HERC6: variants seen among roughly 807,000 people sequenced by gnomAD.
The protein encoded by HERC6 is probable E3 ubiquitin-protein ligase HERC6.
Under a neutral mutation model 114.5 loss-of-function variants are expected in HERC6, and 101 were observed. That is an observed-to-expected ratio of 0.88 (90% confidence interval 0.75 to 1.04). The LOEUF (loss-of-function observed/expected upper bound fraction) is 1.04, where lower values mean the gene tolerates loss of function less well. Ranked by LOEUF, HERC6 falls within the 50% of genes least tolerant of loss-of-function variation. HERC6 has a pLI of 0.00. For missense variants in HERC6, 1,133 were observed against 1,230.9 expected (o/e 0.92, Z 1.19); for synonymous variants, 408 against 436.2 (o/e 0.94, Z 0.81).
chr4:88,395,369 A>G (rs1735173046), intron 5 of HERC6, among the ~76,000 whole-genome samples: 1 of 152,218 alleles, frequency 6.6e-6, no homozygotes, highest in African/African-American at 2.4e-5. Context: ...CAGTTAATTT[A>G]TCTATTCATT....
rs570293701 is a variant in HERC6 at position 88,428,705 on chromosome 4, T to C, written c.2061T>C (p.Arg687=). ...GTCGCCTGGTTAAAGATGCTCTGCG[T>C]CAATTAAGTCAAGCTGAAGCTACTG... ...RRSRLVKDAL[R]QLSQAEATDF... is the part of the protein sequence containing the mutation. Residue 687 remains arginine, a synonymous_variant, in exon 16 of 23, where the codon CGT becomes CGC. Coordinates refer to ENST00000264346, the MANE Select transcript of HERC6 (RefSeq NM_017912.4). 2.5e-6 allele frequency: 4 copies of C among 1,592,724 alleles called. No homozygotes were observed. The South Asian group carries it at 4.6e-5, about 18-fold the overall frequency.
chr4:88,419,179 A>C (rs980706676), intron 13 of HERC6, among the ~76,000 whole-genome samples: 1 of 152,230 alleles, frequency 6.6e-6, no homozygotes, highest in African/African-American at 2.4e-5. Flanking sequence ...CTATATCAGA[A>C]TATTTGCTAA....
intron 8 of HERC6, among the ~76,000 whole-genome samples, chr4:88,401,115 A>C (rs1735511401): frequency 1.3e-5 from 2 of 152,202 alleles, no homozygotes; most frequent in Non-Finnish European, 2.9e-5. Flanking sequence ...AAGGGGAACA[A>C]GTGCAAACAA....
chr4:88,418,618 C>A (rs1736731674), intron 13 of HERC6, among the ~76,000 whole-genome samples: 2 of 152,214 alleles, frequency 1.3e-5, no homozygotes, highest in Non-Finnish European at 1.5e-5. Flanking sequence ...CTCAGCTGGG[C>A]ACCGTGGCCT....
chr4:88,403,056 G>C (rs1445243949), intron 8 of HERC6, among the ~76,000 whole-genome samples: 1 of 152,212 alleles, frequency 6.6e-6, no homozygotes, highest in African/African-American at 2.4e-5. Flanking sequence ...TTATAGCAGA[G>C]CACTAATGCC....
chr4:88,392,720 A>T (rs1417730683), intron 4 of HERC6, among the ~76,000 whole-genome samples: 1 of 152,204 alleles, frequency 6.6e-6, no homozygotes, highest in East Asian at 1.9e-4. Flanking sequence ...GGCCACCTCT[A>T]TGAGGACGTC....
At chr4:88,383,613 A>G (rs1734429606) in intron 2 of HERC6, among the ~76,000 whole-genome samples, 2 of 151,614 alleles carry the variant, frequency 1.3e-5, no homozygotes, top group African/African-American at 4.8e-5. Context: ...ACACAAGAAA[A>G]TTAGCCGGGC....
At chr4:88,383,901 T>G (rs552855529) in intron 2 of HERC6, among the ~76,000 whole-genome samples, 1 of 149,456 alleles carries the variant, frequency 6.7e-6, no homozygotes, top group Admixed American at 6.7e-5. Flanking sequence ...CAGAGTGAAA[T>G]GAGATGTGAC....
chr4:88,421,961 CTT>C (rs1430367747), intron 13 of HERC6, among the ~76,000 whole-genome samples: 1 of 152,070 alleles, frequency 6.6e-6, no homozygotes, highest in Non-Finnish European at 1.5e-5. Flanking sequence ...GTTTATTAGT[CTT>C]TTTATTATTG....
intron 11 of HERC6, among the ~76,000 whole-genome samples, chr4:88,410,229 T>A (rs530239156): frequency 6.6e-6 from 1 of 152,098 alleles, no homozygotes; most frequent in Non-Finnish European, 1.5e-5. Context: ...AATCCACATA[T>A]ATAAGATGAA....
At position 88,436,976 on chromosome 4, in the gene HERC6, G is replaced by A; in HGVS notation, c.2484+5G>A. On this transcript the variant is annotated splice_donor_5th_base_variant and intron_variant, in intron 19 of 22. Coordinates refer to ENST00000264346, the MANE Select transcript of HERC6 (RefSeq NM_017912.4). ...GCGCTCTGCATACGCTTTTCTGTGA[G>A]TACTAATGAAAGCCAAATTATAGTT... 6.3e-7 allele frequency: 1 copy of A among 1,584,250 alleles called. No individual in the cohort carries two copies. Among genetic ancestry groups the A allele is most frequent in the East Asian group, 2.3e-5 (1 of 44,082 alleles).
intron 6 of HERC6, 33 bp from the exon 7 acceptor site, chr4:88,396,818 A>T: frequency 6.8e-7 from 1 of 1,477,684 alleles, no homozygotes; most frequent in Non-Finnish European, 9.0e-7. Context: ...TGAGTGCCTT[A>T]GTCTTCATTA....
At chr4:88,418,724 T>G (rs1736748431) in intron 13 of HERC6, among the ~76,000 whole-genome samples, 2 of 152,002 alleles carry the variant, frequency 1.3e-5, no homozygotes, top group African/African-American at 4.8e-5. Flanking sequence ...GTGATTTTTT[T>G]GTTTGTTTGT....
intron 8 of HERC6, among the ~76,000 whole-genome samples, chr4:88,403,407 T>C (rs192728078): frequency 1.8e-3 from 272 of 152,334 alleles, no homozygotes; most frequent in African/African-American, 6.2e-3. Context: ...AAACTAATTA[T>C]TGAGTGCCTA....
In HERC6 at chr4:88,407,741, T is replaced by C. The variant is rs146112371; in HGVS notation, c.1275-783T>C. ...TATTTGATAATGCATTATTTAAAAA[T>C]GGTTAGGCTTATTGAATGCTGGCCT... is the stretch of plus-strand genomic sequence containing the variant. On this transcript the variant is annotated intron_variant, in intron 10 of 22. Transcript: ENST00000264346. 3.3e-3 allele frequency among the ~76,000 whole-genome samples: 509 copies of C among 152,236 alleles called. 3 individuals carry two copies. The highest frequency in any genetic ancestry group is 5.3e-3 in the Non-Finnish European group (362 of 68,012).
At position 88,439,823 on chromosome 4, in the gene HERC6, T is replaced by C. The variant is rs1578440616; in HGVS notation, c.2556-51T>C. Reference sequence around the variant, plus strand: ...AACAAAGTATAAAATCTTTTAATCATTGGCCTTTTCCTTCCTTTCTTTTTT... The same window carrying C: ...AACAAAGTATAAAATCTTTTAATCACTGGCCTTTTCCTTCCTTTCTTTTTT... On this transcript the variant is annotated intron_variant, in intron 20 of 22. Coordinates refer to ENST00000264346, the MANE Select transcript of HERC6 (RefSeq NM_017912.4). The C allele has an allele frequency of 3.6e-6, 5 of 1,381,722 alleles. No individual in the cohort carries two copies. The South Asian group carries it at 4.9e-5, about 14-fold the overall frequency. 85.6% of individuals were successfully genotyped at this position (1,381,722 alleles called of 1,614,324 possible).
At chr4:88,402,914 T>A (rs796270027) in intron 8 of HERC6, among the ~76,000 whole-genome samples, 5 of 152,262 alleles carry the variant, frequency 3.3e-5, no homozygotes, top group African/African-American at 1.2e-4. Context: ...AGGACTCAGA[T>A]CAAGAAGCTG....
chr4:88,438,070 G>A (rs978539981), intron 20 of HERC6, among the ~76,000 whole-genome samples: 2 of 145,964 alleles, frequency 1.4e-5, no homozygotes, highest in Non-Finnish European at 3.0e-5. Context: ...AGGTTGCAGT[G>A]AGCCGGGATT....
chr4:88,392,591 T>C (rs1468519237), intron 4 of HERC6, among the ~76,000 whole-genome samples: 1 of 152,188 alleles, frequency 6.6e-6, no homozygotes, highest in Admixed American at 6.5e-5. Flanking sequence ...GTCACTTATT[T>C]CAAACCCTAA....
Sources: gnomAD v4.1 joint callset for allele counts (sites outside exome capture counted in the v4.1 genomes callset) on GRCh38, gnomAD v4.1.1 for gene constraint, MANE v1.5 for transcripts, NCBI Gene and HGNC (gene_info 2026-07-23, HGNC 2026-07-21) for gene names.